ZCCHC9: variants seen among roughly 807,000 people sequenced by gnomAD.
ZCCHC9 encodes zinc finger CCHC-type containing 9, also known as zinc finger CCHC domain-containing protein 9.
In ZCCHC9, 18 loss-of-function variants were observed where a neutral mutation model predicts 30.8. The ratio of observed to expected loss-of-function variants is 0.58; its 90% confidence interval spans 0.40 to 0.87. ZCCHC9 has a LOEUF of 0.87. Among genes scored for constraint, ZCCHC9 ranks in the 40% least tolerant of loss-of-function variants. The pLI is 0.00. For missense variants in ZCCHC9, 279 were observed against 331.2 expected (o/e 0.84, Z 1.22); for synonymous variants, 94 against 106.7 (o/e 0.88, Z 0.73).
Position 81,312,551 on chromosome 5 carries a change from GGTCA to G in ZCCHC9, c.706_709del (p.Val236GlnfsTer9). The G allele has an allele frequency of 6.2e-7, 1 of 1,612,776 alleles. No individual in the cohort carries two copies. The highest frequency in any genetic ancestry group is 8.5e-7 in the Non-Finnish European group (1 of 1,179,048). The stretch of plus-strand genomic sequence containing the variant: ...TTTTCTATTCCTTTACAGAGCGAAT[GGTCA>G]CAGTTGGTCGCTGGGCAAAGGGAAT... On this transcript the variant is annotated frameshift_variant, in exon 6 of 6. Coordinates refer to ENST00000407610, the MANE Select transcript of ZCCHC9 (RefSeq NM_001131035.2). LOFTEE classifies it high-confidence loss of function.
Position 81,305,096 on chromosome 5 carries a change from G to A in ZCCHC9, c.339G>A (p.Arg113=), listed in dbSNP as rs201399055. 2.5e-6 allele frequency: 4 copies of A among 1,603,672 alleles called. No homozygotes were observed. Among genetic ancestry groups the A allele is most frequent in the South Asian group, 1.1e-5 (1 of 88,590 alleles). Residue 113 remains arginine, a synonymous_variant, in exon 2 of 6, where the codon CGG becomes CGA. Transcript: ENST00000407610. ...IAVALKKDSR[R]EGRRLKRQAA... ...TTGCTTTAAAGAAAGACAGTCGACG[G>A]GAAGGAAGAAGATTAAAAAGACAAG...
intron 2 of ZCCHC9, among the ~76,000 whole-genome samples, chr5:81,306,295 G>C (rs2112870578): frequency 6.6e-6 from 1 of 152,188 alleles, no homozygotes; most frequent in Middle Eastern, 3.4e-3. Context: ...TGTGTCTTTT[G>C]GCTGTTTGCA....
chr5:81,304,894 G>A lies in ZCCHC9; in HGVS notation c.137G>A (p.Arg46Lys), dbSNP rs1249377396. 2 of 1,613,948 alleles carry A rather than the reference G, an allele frequency of 1.2e-6. No individual in the cohort carries two copies. Among genetic ancestry groups the A allele is most frequent in the East Asian group, 2.2e-5 (1 of 44,850 alleles). The change falls in exon 2 of 6, where the codon AGG becomes AAG. Residue 46 changes from arginine to lysine, a missense_variant. Coordinates refer to ENST00000407610, the MANE Select transcript of ZCCHC9 (RefSeq NM_001131035.2). The stretch of plus-strand genomic sequence containing the variant: ...AAGCGTAAACAACTTGAAGCCAATA[G>A]GCTATCCCTCAAAAATGATGCACCC... ...LPKRKQLEAN[R>K]LSLKNDAPQA...
intron 1 of ZCCHC9, 21 bp from the exon 2 acceptor site, chr5:81,304,720 C>T: frequency 6.5e-7 from 1 of 1,527,814 alleles, no homozygotes; most frequent in South Asian, 1.3e-5. Flanking sequence ...ACCACCCATG[C>T]TTGTCTTAAA....
intron 5 of ZCCHC9, 74 bp from the exon 6 acceptor site, chr5:81,312,470 A>C: frequency 1.6e-6 from 2 of 1,228,570 alleles, no homozygotes; most frequent in Non-Finnish European, 2.3e-6. Context: ...TTCCTTTCCC[A>C]AACCAATAAC....
Position 81,304,956 on chromosome 5 carries a change from T to A in ZCCHC9, c.199T>A (p.Tyr67Asn). The change falls in exon 2 of 6, where the codon TAC (tyrosine) becomes AAC (asparagine). Residue 67 changes from tyrosine to asparagine, a missense_variant. Transcript: ENST00000407610. The stretch of plus-strand genomic sequence containing the variant: ...TAAAAAGAACAAAAAGAAAAAAGAG[T>A]ACTTAAATGAAGATGTGAATGGATT... ...KHKKNKKKKE[Y>N]LNEDVNGFME... 3.7e-6 allele frequency: 6 copies of A among 1,612,786 alleles called. No individual in the cohort carries two copies. Among genetic ancestry groups the A allele is most frequent in the Non-Finnish European group, 5.1e-6 (6 of 1,179,666 alleles).
intron 3 of ZCCHC9, 45 bp from the exon 4 acceptor site, chr5:81,308,901 T>TG: frequency 6.6e-7 from 1 of 1,515,098 alleles, no homozygotes; most frequent in Middle Eastern, 1.8e-4. Context: ...TTTTATGACT[T>TG]GCCATATGTA....
intron 2 of ZCCHC9, among the ~76,000 whole-genome samples, chr5:81,306,348 AG>A (rs1324696072): frequency 6.6e-6 from 1 of 152,224 alleles, no homozygotes; most frequent in African/African-American, 2.4e-5. Context: ...AGTTATTTAG[AG>A]ATAATACTGA....
At chr5:81,310,127 C>T (rs1489189570) in intron 4 of ZCCHC9, among the ~76,000 whole-genome samples, 1 of 133,852 alleles carries the variant, frequency 7.5e-6, no homozygotes, top group Non-Finnish European at 1.5e-5. Context: ...GCAAAAATGG[C>T]TTTCACTGGT....
intron 2 of ZCCHC9, among the ~76,000 whole-genome samples, chr5:81,308,168 C>G (rs1159391729): frequency 1.3e-5 from 2 of 151,880 alleles, no homozygotes; most frequent in African/African-American, 2.4e-5. Context: ...TAATTATATA[C>G]AAATACAAAT....
intron 2 of ZCCHC9, among the ~76,000 whole-genome samples, chr5:81,306,088 A>T (rs901121112): frequency 6.6e-6 from 1 of 152,216 alleles, no homozygotes; most frequent in African/African-American, 2.4e-5. Flanking sequence ...ATTTTAAAGT[A>T]TGTCAGGCAA....
Position 81,309,111 on chromosome 5 carries a change from AC to A in ZCCHC9, c.628+74del. The A allele has an allele frequency of 3.6e-6, 4 of 1,124,628 alleles. No individual in the cohort carries two copies. The South Asian group carries it at 6.5e-5, about 18-fold the overall frequency. The allele number at this position is 1,124,628 out of a possible 1,614,324, so 69.7% of individuals were successfully genotyped here. A position where few individuals can be genotyped will look rare whatever the true frequency, so the allele number is the denominator to read the frequency against. ...GTTGTGATTTAATTTACACTCAATC[AC>A]AGTTCTTGAATAAATTCTTGAATAA... On this transcript the variant is annotated intron_variant, in intron 4 of 5. Transcript: ENST00000407610.
At chr5:81,304,650 T>A in intron 1 of ZCCHC9, 91 bp from the exon 2 acceptor site, 2 of 1,118,236 alleles carry the variant, frequency 1.8e-6, no homozygotes, top group Non-Finnish European at 2.5e-6. Context: ...TATGGGCATA[T>A]GTGACATATA....
At chr5:81,308,022 A>ATATCTATCT (rs571429540) in intron 2 of ZCCHC9, among the ~76,000 whole-genome samples, 5 of 68,360 alleles carry the variant, frequency 7.3e-5, no homozygotes, top group Non-Finnish European at 1.4e-4. Context: ...AAAAAAAAAA[A>ATATCTATCT]ATCTATCTAT....
chr5:81,308,750 A>G, intron 3 of ZCCHC9, 39 bp downstream of exon 3: 1 of 1,583,748 alleles, frequency 6.3e-7, no homozygotes, highest in Non-Finnish European at 8.6e-7. Flanking sequence ...GTTCATGGGG[A>G]AAGCCAATAA....
chr5:81,312,666 C>T lies in ZCCHC9; in HGVS notation c.*4C>T. The stretch of plus-strand genomic sequence containing the variant: ...ACCTAAAGTTGTTAATTTTTGATAA[C>T]AGCTAGCACTATCATGAGTTACTAC... On this transcript the variant is annotated 3_prime_UTR_variant, in exon 6 of 6. Transcript: ENST00000407610. 1 of 1,595,136 alleles carries T rather than the reference C, an allele frequency of 6.3e-7. No homozygotes were observed. The highest frequency in any genetic ancestry group is 1.1e-5 in the South Asian group (1 of 90,566).
Position 81,312,845 on chromosome 5 carries a change from G to C in ZCCHC9, c.*183G>C. On this transcript the variant is annotated 3_prime_UTR_variant, in exon 6 of 6. Transcript: ENST00000407610. ...CAAATAGTACTTCTACCACTGTTTG[G>C]AGAAAATTGAAGAAAAGAATAAGAT... The C allele has an allele frequency of 2.3e-6, 1 of 427,416 alleles. No homozygotes were observed. Among genetic ancestry groups the C allele is most frequent in the Non-Finnish European group, 4.2e-6 (1 of 236,958 alleles). 26.5% of individuals were successfully genotyped at this position (427,416 alleles called of 1,614,324 possible).
chr5:81,302,637 C>G (rs1425097396), intron 1 of ZCCHC9: 1 of 152,232 alleles, frequency 6.6e-6, no homozygotes, highest in Non-Finnish European at 1.5e-5. Context: ...TAGCCTGTTA[C>G]TCCTAGTCTA....
At chr5:81,311,343 A>G (rs41272294) in intron 5 of ZCCHC9, 64 bp downstream of exon 5, 1 of 1,501,558 alleles carries the variant, frequency 6.7e-7, no homozygotes, top group Non-Finnish European at 9.3e-7. Flanking sequence ...TTTATTCTGC[A>G]CTTGTTATTA....
Sources: gnomAD v4.1 joint callset for allele counts (sites outside exome capture counted in the v4.1 genomes callset) on GRCh38, gnomAD v4.1.1 for gene constraint, MANE v1.5 for transcripts, NCBI Gene and HGNC (gene_info 2026-07-23, HGNC 2026-07-21) for gene names.